The following ABCC8 variants were observed in gnomAD, a reference collection of about 807,000 sequenced individuals.
ABCC8 encodes the protein ATP binding cassette subfamily C member 8.
Under a neutral mutation model 188.0 loss-of-function variants are expected in ABCC8, and 137 were observed. The ratio of observed to expected loss-of-function variants is 0.73; its 90% CI spans 0.63 to 0.84. The LOEUF is 0.84. Ranked by LOEUF, ABCC8 falls within the 40% of genes least tolerant of loss-of-function variation. ABCC8 has a pLI of 0.00. For missense variants in ABCC8, 1,750 were observed against 2,072.7 expected, an observed-to-expected ratio of 0.84 and a Z score of 3.02; for synonymous variants, 797 against 846.5, an observed-to-expected ratio of 0.94 and a Z score of 1.01.
At chr11:17,475,311 A>G (rs1848700827) in intron 1 of ABCC8, among the ~76,000 whole-genome samples, 1 of 152,238 alleles carries the variant, frequency 6.6e-6, no homozygotes, top group East Asian at 1.9e-4. Flanking sequence ...TTGATCTCCT[A>G]GGCTCAAGTG....
chr11:17,427,192 G>A lies in ABCC8; in HGVS notation c.2117-38C>T, dbSNP rs1274416856. Reference sequence around the variant, plus strand: ...AGGGTGGCAGATGTGAGTGGGGCCGGGGGAGTCTGAACAACCATTACCCAG... The same window carrying A: ...AGGGTGGCAGATGTGAGTGGGGCCGAGGGAGTCTGAACAACCATTACCCAG... On this transcript the variant is annotated intron_variant, in intron 15 of 38. Transcript: ENST00000389817. This position sits in a 1 kb window ranked among gnomAD's most constrained non-coding sequence, Gnocchi z 5.0. 10 of 1,582,250 alleles carry A rather than the reference G, an allele frequency of 6.3e-6. No homozygotes were observed. Among genetic ancestry groups the A allele is most frequent in the Non-Finnish European group, 7.7e-6 (9 of 1,163,620 alleles).
chr11:17,473,400 C>T (rs530929377), intron 2 of ABCC8, among the ~76,000 whole-genome samples: 4 of 152,236 alleles, frequency 2.6e-5, no homozygotes, highest in African/African-American at 9.6e-5. Flanking sequence ...TTAGAGATCA[C>T]TGCTGAAGCC....
At chr11:17,398,912 C>A (rs771702409) in intron 29 of ABCC8, 2 of 224,416 alleles carry the variant, frequency 8.9e-6, no homozygotes, top group Non-Finnish European at 1.8e-5. Flanking sequence ...CCATGCTCCA[C>A]ACAGTGGCTG....
At chr11:17,467,933 T>C (rs535581063) in intron 3 of ABCC8, among the ~76,000 whole-genome samples, 2 of 152,380 alleles carry the variant, frequency 1.3e-5, no homozygotes, top group South Asian at 4.1e-4. Flanking sequence ...GAGAACATTA[T>C]GTGTTTGCTG....
chr11:17,396,768 G>T, intron 33 of ABCC8, 148 bp downstream of exon 33: 3 of 1,016,854 alleles, frequency 3.0e-6, no homozygotes, highest in Non-Finnish European at 4.3e-6. Context: ...GCCCCCACAG[G>T]CCCAGGGCAG....
intron 31 of ABCC8, 51 bp downstream of exon 31, chr11:17,397,633 C>A (rs184896974): frequency 6.3e-7 from 1 of 1,586,330 alleles, no homozygotes; most frequent in Non-Finnish European, 8.6e-7. Flanking sequence ...GAAGGTGCTC[C>A]GGGAGTGCTG....
chr11:17,465,839 T>C (rs931612170), intron 3 of ABCC8, among the ~76,000 whole-genome samples: 1 of 152,102 alleles, frequency 6.6e-6, no homozygotes, highest in Admixed American at 6.5e-5. Context: ...TTTCCACACT[T>C]CCTCCCCATC....
Position 17,404,879 on chromosome 11 carries a change from A to G in ABCC8, c.3400-210T>C, listed in dbSNP as rs1954440246. On this transcript the variant is annotated intron_variant, in intron 27 of 38. Transcript: ENST00000389817. The surrounding 1 kb of genome is among the most constrained non-coding windows in gnomAD (Gnocchi z 4.7). ...TGGGTTCAAATGATTCTCCTGCCTC[A>G]GCTTCCCAAGTAGTTGGGATTACAG... The G allele has an allele frequency of 3.2e-6, 1 of 315,014 alleles. No individual in the cohort carries two copies. The highest frequency in any genetic ancestry group is 2.3e-5 in the African/African-American group (1 of 44,278). 19.5% of individuals were successfully genotyped at this position (315,014 alleles called of 1,614,324 possible).
At chr11:17,450,543 C>T (rs1384350239) in intron 7 of ABCC8, among the ~76,000 whole-genome samples, 4 of 150,330 alleles carry the variant, frequency 2.7e-5, no homozygotes, top group Admixed American at 6.6e-5. Flanking sequence ...TACAGGCACC[C>T]GCCACCATGC....
chr11:17,410,673 A>T lies in ABCC8; in HGVS notation c.2557-20T>A. The T allele has an allele frequency of 6.2e-7, 1 of 1,613,854 alleles. No individual in the cohort carries two copies. The highest frequency in any genetic ancestry group is 2.2e-5 in the East Asian group (1 of 44,858). On this transcript the variant is annotated intron_variant, in intron 21 of 38. Coordinates refer to ENST00000389817, the MANE Select transcript of ABCC8 (RefSeq NM_000352.6). Reference sequence around the variant, plus strand: ...GTCATCCTGGGCAGAAGGGAGAGGAAGAGAGTAGAGGGTAGGGAAAGGCAT... The same window carrying T: ...GTCATCCTGGGCAGAAGGGAGAGGATGAGAGTAGAGGGTAGGGAAAGGCAT...
chr11:17,443,765 G>T (rs1956417377), intron 8 of ABCC8, among the ~76,000 whole-genome samples: 2 of 152,208 alleles, frequency 1.3e-5, no homozygotes, highest in Admixed American at 1.3e-4. Flanking sequence ...TGGGGTCCGA[G>T]AATTCGCTTT....
intron 3 of ABCC8, among the ~76,000 whole-genome samples, chr11:17,468,269 A>T (rs1327589297): frequency 6.6e-6 from 1 of 152,178 alleles, no homozygotes; most frequent in Non-Finnish European, 1.5e-5. Context: ...CAACACCATG[A>T]TGTCACTGGC....
chr11:17,405,745 C>T lies in ABCC8; in HGVS notation c.3330-182G>A, dbSNP rs150917879. ...GAATTCCTGCAGCTGCCCAAAGGGG[C>T]GCTGGCCTTTCGTTAGCCTTTCAGT... On this transcript the variant is annotated intron_variant, in intron 26 of 38. Transcript: ENST00000389817. 1.2e-3 allele frequency: 882 copies of T among 764,880 alleles called. 2 individuals carry two copies. Among genetic ancestry groups the T allele is most frequent in the South Asian group, 9.2e-3 (154 of 16,812 alleles). 47.4% of individuals were successfully genotyped at this position (764,880 alleles called of 1,614,324 possible).
chr11:17,448,706 T>A (rs752573508), intron 7 of ABCC8, 35 bp from the exon 8 acceptor site: 19 of 1,613,784 alleles, frequency 1.2e-5, no homozygotes, highest in Admixed American at 1.7e-5. Context: ...ACATTCATCA[T>A]CATTCTCATC....
intron 1 of ABCC8, among the ~76,000 whole-genome samples, chr11:17,475,746 T>A (rs371643193): frequency 5.9e-5 from 9 of 152,258 alleles, no homozygotes; most frequent in Admixed American, 4.6e-4. Context: ...TTTGTGACAA[T>A]CTTTCCTTTC....
At chr11:17,463,084 C>T (rs1036330140) in intron 4 of ABCC8, among the ~76,000 whole-genome samples, 3 of 152,030 alleles carry the variant, frequency 2.0e-5, no homozygotes, top group Admixed American at 1.3e-4. Flanking sequence ...CATTTACCAG[C>T]GTGACGATAT....
intron 19 of ABCC8, among the ~76,000 whole-genome samples, chr11:17,414,100 G>C (rs1954947613): frequency 6.6e-6 from 1 of 152,226 alleles, no homozygotes; most frequent in Non-Finnish European, 1.5e-5. Flanking sequence ...TTGTAAGCAT[G>C]AGAGGAAATT....
chr11:17,443,109 G>GA, intron 9 of ABCC8, 69 bp downstream of exon 9: 2 of 1,575,872 alleles, frequency 1.3e-6, no homozygotes, highest in Non-Finnish European at 1.7e-6. Flanking sequence ...GGGTGTGTGG[G>GA]AGGAGACCTG....
chr11:17,432,766 T>C (rs1955906933), intron 10 of ABCC8, among the ~76,000 whole-genome samples: 1 of 152,152 alleles, frequency 6.6e-6, no homozygotes, highest in South Asian at 2.1e-4. Context: ...TTAGAGTCTG[T>C]GTGCGGGTGG....
Sources: allele counts gnomAD v4.1 joint callset (sites outside exome capture counted in the v4.1 genomes callset), GRCh38; gene constraint gnomAD v4.1.1; non-coding constraint Gnocchi (gnomAD v3.1); transcripts MANE v1.5; gene names NCBI Gene and HGNC (gene_info 2026-07-23, HGNC 2026-07-21).